The following SHTN1 variants were observed in gnomAD, a reference collection of about 807,000 sequenced individuals.
SHTN1 encodes shootin-1.
SHTN1 carries 42 observed loss-of-function variants against 83.1 expected under a neutral mutation model. The observed-to-expected ratio is 0.51, with a 90% confidence interval of 0.39 to 0.65. The LOEUF (loss-of-function observed/expected upper bound fraction) is 0.65, where lower values mean the gene tolerates loss of function less well. Ranked by LOEUF, SHTN1 falls within the 30% of genes least tolerant of loss-of-function variation. The probability of loss-of-function intolerance (pLI) is 0.00; values close to 1 mark genes in which losing one functional copy is unlikely to be tolerated. For missense variants in SHTN1, 622 were observed against 737.8 expected, an observed-to-expected ratio of 0.84 and a Z score of 1.82; for synonymous variants, 224 against 247.7, an observed-to-expected ratio of 0.90 and a Z score of 0.90.
chr10:117,071,805 G>A (rs749870147), intron 1 of SHTN1, among the ~76,000 whole-genome samples: 7 of 152,166 alleles, frequency 4.6e-5, no homozygotes, highest in East Asian at 1.9e-4. Context: ...TTGGGAGGCC[G>A]AGGCGGGCAG....
intron 15 of SHTN1, 40 bp from the exon 16 acceptor site, chr10:116,901,997 A>G (rs778598054): frequency 6.6e-7 from 1 of 1,505,576 alleles, no homozygotes; most frequent in Admixed American, 2.3e-5. Flanking sequence ...ATAATTCTGT[A>G]TGATGCTTAT....
intron 6 of SHTN1, among the ~76,000 whole-genome samples, chr10:116,951,682 C>T (rs1318662020): frequency 2.6e-5 from 4 of 152,326 alleles, no homozygotes; most frequent in African/African-American, 9.6e-5. Context: ...GAAACATGTC[C>T]ATGCTATTTC....
At chr10:116,952,044 A>G (rs762324990) in intron 5 of SHTN1, 38 bp from the exon 6 acceptor site, 1 of 1,065,728 alleles carries the variant, frequency 9.4e-7, no homozygotes, top group South Asian at 2.3e-5. Flanking sequence ...AAATAAACTT[A>G]TTTTTAAAAT....
intron 1 of SHTN1, among the ~76,000 whole-genome samples, chr10:117,065,595 G>A (rs1852965007): frequency 6.6e-6 from 1 of 151,008 alleles, no homozygotes; most frequent in Admixed American, 6.6e-5. Context: ...GCAGCTGCCT[G>A]TAATCCTAGC....
intron 2 of SHTN1, among the ~76,000 whole-genome samples, chr10:117,034,555 C>G (rs957383470): frequency 6.6e-6 from 1 of 151,868 alleles, no homozygotes; most frequent in Non-Finnish European, 1.5e-5. Flanking sequence ...GCAGGAGAAT[C>G]GCTTGAACCT....
At chr10:117,058,566 C>T (rs1030675065) in intron 1 of SHTN1, among the ~76,000 whole-genome samples, 15 of 152,066 alleles carry the variant, frequency 9.9e-5, no homozygotes, top group African/African-American at 3.4e-4. Flanking sequence ...AGAACCCTTA[C>T]GCACTGCTTG....
At chr10:116,923,115 T>C (rs903135371) in intron 11 of SHTN1, among the ~76,000 whole-genome samples, 2 of 152,200 alleles carry the variant, frequency 1.3e-5, no homozygotes, top group Non-Finnish European at 2.9e-5. Flanking sequence ...AAAATTTTTC[T>C]TCAATAATGC....
chr10:116,918,526 C>T (rs183259325), intron 12 of SHTN1, among the ~76,000 whole-genome samples: 1 of 151,956 alleles, frequency 6.6e-6, no homozygotes. Context: ...ACATTATAGT[C>T]GAATTAAGTT....
At chr10:116,986,102 C>A (rs1851209719) in intron 1 of SHTN1, among the ~76,000 whole-genome samples, 1 of 152,164 alleles carries the variant, frequency 6.6e-6, no homozygotes, top group African/African-American at 2.4e-5. Context: ...ACATTAATGA[C>A]TTCAAATTAA....
intron 2 of SHTN1, among the ~76,000 whole-genome samples, chr10:117,023,229 T>TA (rs747412081): frequency 6.6e-6 from 1 of 152,196 alleles, no homozygotes; most frequent in Non-Finnish European, 1.5e-5. Context: ...AAATGTTCAA[T>TA]AAATATTACA....
At chr10:116,912,334 T>C (rs923661705) in intron 13 of SHTN1, among the ~76,000 whole-genome samples, 1 of 152,162 alleles carries the variant, frequency 6.6e-6, no homozygotes. Context: ...TACAGGGGCC[T>C]GGCATGTAAG....
chr10:116,944,913 A>G lies in SHTN1; in HGVS notation c.711+11T>C. ...TCAAGAAAAAAAATAAGATTTTTACAAGATACCCACCTCTTGTGCAAATGA... is the reference window on the plus strand; with the variant it reads ...TCAAGAAAAAAAATAAGATTTTTACGAGATACCCACCTCTTGTGCAAATGA... On this transcript the variant is annotated intron_variant, in intron 8 of 16. Coordinates refer to ENST00000355371, the MANE Select transcript of SHTN1 (RefSeq NM_001127211.3). 10 of 1,566,964 alleles carry G rather than the reference A, an allele frequency of 6.4e-6. No individual in the cohort carries two copies. The highest frequency in any genetic ancestry group is 8.8e-6 in the Non-Finnish European group (10 of 1,137,760).
At chr10:116,968,112 G>A (rs1456359219) in intron 3 of SHTN1, among the ~76,000 whole-genome samples, 1 of 152,162 alleles carries the variant, frequency 6.6e-6, no homozygotes, top group Non-Finnish European at 1.5e-5. Flanking sequence ...AACCCAGGAG[G>A]TGGAGGTTGC....
intron 1 of SHTN1, among the ~76,000 whole-genome samples, chr10:117,066,468 T>C (rs1278596746): frequency 1.3e-5 from 2 of 152,160 alleles, no homozygotes; most frequent in Non-Finnish European, 2.9e-5. Context: ...TATGTTAGAC[T>C]GTGAGATCAG....
At chr10:117,052,815 C>T (rs1478789037) in intron 1 of SHTN1, among the ~76,000 whole-genome samples, 32 of 151,262 alleles carry the variant, frequency 2.1e-4, no homozygotes, top group Admixed American at 2.0e-3. Context: ...GCCAGGAGAT[C>T]GAGACCATCC....
At chr10:116,889,154 A>AG (rs1847256417) in intron 16 of SHTN1, among the ~76,000 whole-genome samples, 1 of 152,210 alleles carries the variant, frequency 6.6e-6, no homozygotes, top group South Asian at 2.1e-4. Flanking sequence ...CTGTAGGTGA[A>AG]GGGGTGGTGC....
chr10:117,030,015 A>G (rs989132135), intron 2 of SHTN1, among the ~76,000 whole-genome samples: 15 of 151,338 alleles, frequency 9.9e-5, no homozygotes, highest in Non-Finnish European at 2.1e-4. Context: ...CAGCCTCCCA[A>G]GTGTCTGGGC....
chr10:116,938,146 C>G (rs943364257), intron 9 of SHTN1, among the ~76,000 whole-genome samples: 6 of 151,806 alleles, frequency 4.0e-5, no homozygotes, highest in Admixed American at 3.9e-4. Flanking sequence ...TATTACCAAC[C>G]TTCTGAAGCC....
Position 116,948,966 on chromosome 10 carries a change from A to G in SHTN1, c.566T>C (p.Leu189Ser). The G allele has an allele frequency of 1.3e-6, 2 of 1,572,914 alleles. No homozygotes were observed. Among genetic ancestry groups the G allele is most frequent in the Non-Finnish European group, 1.7e-6 (2 of 1,159,882 alleles). ...VNKVKQEKTV[L>S]NSEVLEQRKV... Reference sequence around the variant, plus strand: ...TCTCTGTTCAAGAACTTCTGAATTTAAAACAGTCTTTTCTTGTTTAACTTT... The same window carrying G: ...TCTCTGTTCAAGAACTTCTGAATTTGAAACAGTCTTTTCTTGTTTAACTTT... Residue 189 changes from leucine (L) to serine (S), a missense_variant, in exon 7 of 17, where the codon TTA becomes TCA. Physicochemically the swap from Leu to Ser is moderately radical, Grantham distance 145. Around this residue, in one of 3 missense-constraint regions of SHTN1, gnomAD observed 383 missense variants for 455.8 expected, o/e 0.84. Coordinates refer to ENST00000355371, the MANE Select transcript of SHTN1 (RefSeq NM_001127211.3).
Sources: allele counts gnomAD v4.1 joint callset (sites outside exome capture counted in the v4.1 genomes callset), GRCh38; gene constraint gnomAD v4.1.1; regional missense constraint gnomAD v4.1.1; transcripts MANE v1.5; gene names NCBI Gene and HGNC (gene_info 2026-07-23, HGNC 2026-07-21).